The following CTTNBP2 variants were observed in gnomAD, a reference collection of about 807,000 sequenced individuals.
The protein encoded by CTTNBP2 is cortactin binding protein 2.
CTTNBP2 carries 108 observed loss-of-function variants against 156.9 expected under a neutral mutation model. The ratio of observed to expected loss-of-function variants is 0.69; its 90% CI spans 0.59 to 0.81. The LOEUF (loss-of-function observed/expected upper bound fraction) is 0.81, where lower values mean the gene tolerates loss of function less well. CTTNBP2 is among the 30% of genes least tolerant of loss of function. The pLI is 0.00. For missense variants in CTTNBP2, 1,924 were observed against 2,035.4 expected, an observed-to-expected ratio of 0.95 and a Z score of 1.05; for synonymous variants, 767 against 751.8, an observed-to-expected ratio of 1.02 and a Z score of -0.33.
chr7:117,833,193 A>G (rs1801727935), intron 2 of CTTNBP2, among the ~76,000 whole-genome samples: 1 of 152,054 alleles, frequency 6.6e-6, no homozygotes, highest in African/African-American at 2.4e-5. Flanking sequence ...TATTCAAACT[A>G]GCTAATCTCA....
At position 117,791,557 on chromosome 7, in the gene CTTNBP2, G is replaced by C; in HGVS notation, c.1639C>G (p.Pro547Ala). ...VDRGNPPPIP[P>A]KKPGLSQTPS... is the part of the protein sequence containing the mutation. ...GTTTGGGAGAGCCCTGGCTTTTTTG[G>C]AGGGATAGGAGGAGGATTTCCTCTG... Residue 547 changes from proline (P) to alanine (A), a missense_variant, in exon 4 of 23, where the codon CCA becomes GCA. By Grantham distance (27) the Pro-to-Ala change is conservative. Coordinates refer to ENST00000160373, the MANE Select transcript of CTTNBP2 (RefSeq NM_033427.3). The C allele has an allele frequency of 6.2e-7, 1 of 1,614,160 alleles. No individual in the cohort carries two copies. The highest frequency in any genetic ancestry group is 8.5e-7 in the Non-Finnish European group (1 of 1,180,028).
At chr7:117,720,817 T>C (rs1794746792) in intron 20 of CTTNBP2, among the ~76,000 whole-genome samples, 1 of 152,254 alleles carries the variant, frequency 6.6e-6, no homozygotes, top group Non-Finnish European at 1.5e-5. Flanking sequence ...TTTCTAACCT[T>C]ATTCAACAAA....
intron 19 of CTTNBP2, among the ~76,000 whole-genome samples, chr7:117,723,346 G>C (rs917065944): frequency 3.3e-5 from 5 of 151,978 alleles, no homozygotes; most frequent in African/African-American, 1.2e-4. Flanking sequence ...GCTTAAAAAT[G>C]AAAATATACT....
chr7:117,839,010 A>T lies in CTTNBP2; in HGVS notation c.189+22199T>A, dbSNP rs573638531. On this transcript the variant is annotated intron_variant, in intron 2 of 22. Transcript: ENST00000160373. ...AAAAAATCCTCCAAAGGATTTTTTT[A>T]AAATCTTTAAAAATATCTCCCAAAG... Among the ~76,000 whole-genome samples the T allele has an allele frequency of 6.0e-5, 9 of 150,888 alleles. No homozygotes were observed. In the South Asian group the frequency reaches 1.5e-3, roughly 25 times the overall value.
At chr7:117,745,066 C>G (rs1562968065) in intron 14 of CTTNBP2, among the ~76,000 whole-genome samples, 1 of 152,216 alleles carries the variant, frequency 6.6e-6, no homozygotes, top group Admixed American at 6.5e-5. Context: ...GTCAGAGTCA[C>G]TAGTTATGCT....
chr7:117,801,506 A>C (rs1358057662), intron 3 of CTTNBP2, among the ~76,000 whole-genome samples: 2 of 152,222 alleles, frequency 1.3e-5, no homozygotes, highest in Non-Finnish European at 2.9e-5. Context: ...AATTGGGAAA[A>C]TAATTGCTAC....
At chr7:117,810,657 T>G (rs1002202147) in intron 3 of CTTNBP2, 108 bp downstream of exon 3, 1 of 864,596 alleles carries the variant, frequency 1.2e-6, no homozygotes, top group African/African-American at 1.7e-5. Flanking sequence ...TAAGTACTTA[T>G]TGCAATCCTG....
chr7:117,762,753 C>T (rs1033983900), intron 9 of CTTNBP2, among the ~76,000 whole-genome samples: 1 of 152,198 alleles, frequency 6.6e-6, no homozygotes, highest in Non-Finnish European at 1.5e-5. Context: ...ATGGCCTACG[C>T]ATTCCAACAA....
chr7:117,790,622 C>G (rs1006579911), intron 4 of CTTNBP2, among the ~76,000 whole-genome samples: 3 of 149,936 alleles, frequency 2.0e-5, no homozygotes, highest in South Asian at 4.2e-4. Context: ...ACCGAAAACA[C>G]CAAACTGATA....
At chr7:117,865,671 C>CAAAAAAAAA (rs61533705) in intron 1 of CTTNBP2, among the ~76,000 whole-genome samples, 6 of 74,502 alleles carry the variant, frequency 8.1e-5, no homozygotes, top group East Asian at 4.0e-4. Context: ...ACTCCATCTC[C>CAAAAAAAAA]AAAAAAAAAA....
intron 2 of CTTNBP2, among the ~76,000 whole-genome samples, chr7:117,846,613 T>C (rs1802600928): frequency 6.6e-6 from 1 of 152,162 alleles, no homozygotes; most frequent in Middle Eastern, 3.4e-3. Flanking sequence ...TATAATGCTA[T>C]TTACACTGTT....
chr7:117,863,317 T>C (rs1001814887), intron 1 of CTTNBP2, among the ~76,000 whole-genome samples: 3 of 152,224 alleles, frequency 2.0e-5, no homozygotes, highest in African/African-American at 4.8e-5. Context: ...GCATAAATCA[T>C]GTATAGTTCT....
In CTTNBP2 at chr7:117,800,967, C is replaced by T. The variant is rs34573351; in HGVS notation, c.415-8186G>A. On this transcript the variant is annotated intron_variant, in intron 3 of 22. Coordinates refer to ENST00000160373, the MANE Select transcript of CTTNBP2 (RefSeq NM_033427.3). The stretch of plus-strand genomic sequence containing the variant: ...AGCCTGGAGTATCTTGCTGCAAGTG[C>T]TAAAAAATGATGAGAATATATAGAA... Among the ~76,000 whole-genome samples the T allele has an allele frequency of 2.4e-4, 36 of 152,152 alleles. 1 individual carries two copies. The East Asian group carries it at 5.8e-3, about 24-fold the overall frequency.
At chr7:117,796,622 T>G (rs935188407) in intron 3 of CTTNBP2, among the ~76,000 whole-genome samples, 1 of 152,216 alleles carries the variant, frequency 6.6e-6, no homozygotes, top group Non-Finnish European at 1.5e-5. Flanking sequence ...ACAACACGTG[T>G]AAATCACATA....
At position 117,792,213 on chromosome 7, in the gene CTTNBP2, A is replaced by G. The variant is rs375907984; in HGVS notation, c.983T>C (p.Val328Ala). Reference protein sequence around the residue: ...HMKKLPLTMPVKPSTGSPLVS... With the variant: ...HMKKLPLTMPAKPSTGSPLVS... ...TAGGGGACTCCCTGTGGAAGGTTTT[A>G]CAGGCATGGTTAAAGGCAACTTTTT... is the stretch of plus-strand genomic sequence containing the variant. Residue 328 changes from valine (V) to alanine (A), a missense_variant, in exon 4 of 23, where the codon GTA becomes GCA. Val to Ala is a moderately conservative substitution (Grantham distance 64, BLOSUM62 0). Coordinates refer to ENST00000160373, the MANE Select transcript of CTTNBP2 (RefSeq NM_033427.3). The surrounding 1 kb of genome is among the most constrained non-coding windows in gnomAD (Gnocchi z 4.2). 2 of 1,614,062 alleles carry G rather than the reference A, an allele frequency of 1.2e-6. No homozygotes were observed. The highest frequency in any genetic ancestry group is 2.7e-5 in the African/African-American group (2 of 74,906).
chr7:117,768,720 TC>T (rs1376166464), intron 8 of CTTNBP2, among the ~76,000 whole-genome samples: 2 of 152,096 alleles, frequency 1.3e-5, no homozygotes, highest in African/African-American at 4.8e-5. Context: ...AACTCCTCCA[TC>T]CCCCGCAGAG....
At chr7:117,745,189 A>T (rs1796257505) in intron 14 of CTTNBP2, among the ~76,000 whole-genome samples, 1 of 152,198 alleles carries the variant, frequency 6.6e-6, no homozygotes, top group South Asian at 2.1e-4. Flanking sequence ...ATTAATAAAC[A>T]TATTTAATCC....
intron 16 of CTTNBP2, 118 bp from the exon 17 acceptor site, chr7:117,728,385 A>G (rs1795222294): frequency 2.7e-6 from 2 of 744,150 alleles, no homozygotes; most frequent in Non-Finnish European, 4.4e-6. Context: ...AATCTTATTT[A>G]ACTTTACTTG....
At chr7:117,783,924 C>T (rs1287887149) in intron 5 of CTTNBP2, among the ~76,000 whole-genome samples, 1 of 152,192 alleles carries the variant, frequency 6.6e-6, no homozygotes, top group Non-Finnish European at 1.5e-5. Flanking sequence ...CTTTCCCTCA[C>T]TGTAGCATGT....
Sources: gnomAD v4.1 joint callset for allele counts (sites outside exome capture counted in the v4.1 genomes callset) on GRCh38, gnomAD v4.1.1 for gene constraint, Gnocchi (gnomAD v3.1) non-coding constraint, MANE v1.5 for transcripts, NCBI Gene and HGNC (gene_info 2026-07-23, HGNC 2026-07-21) for gene names.